The following ANKFN1 variants were observed in gnomAD, a reference collection of about 807,000 sequenced individuals.
ANKFN1 encodes ankyrin repeat and fibronectin type-III domain-containing protein 1.
ANKFN1 carries 74 observed loss-of-function variants against 108.7 expected under a neutral mutation model. The ratio of observed to expected loss-of-function variants is 0.68; its 90% CI spans 0.56 to 0.83. The LOEUF is 0.83. Among genes scored for constraint, ANKFN1 ranks in the 40% least tolerant of loss-of-function variants. The pLI, the probability that ANKFN1 is intolerant of heterozygous loss-of-function variation, is 0.00. For missense variants in ANKFN1, 1,505 were observed against 1,382.3 expected, an observed-to-expected ratio of 1.09 and a Z score of -1.41; for synonymous variants, 547 against 516.2, an observed-to-expected ratio of 1.06 and a Z score of -0.81.
intron 2 of ANKFN1, among the ~76,000 whole-genome samples, chr17:56,224,486 A>T (rs1429273844): frequency 1.3e-5 from 2 of 152,230 alleles, no homozygotes; most frequent in Admixed American, 1.3e-4. Flanking sequence ...TTTACTCCAT[A>T]GGTTACATTA....
At chr17:56,386,462 A>G (rs1348457493) in intron 8 of ANKFN1, among the ~76,000 whole-genome samples, 1 of 151,994 alleles carries the variant, frequency 6.6e-6, no homozygotes, top group Non-Finnish European at 1.5e-5. Context: ...CCTAAAACTT[A>G]AAGTATAATA....
chr17:56,461,811 A>AT (rs2049912519), intron 14 of ANKFN1, among the ~76,000 whole-genome samples: 1 of 152,240 alleles, frequency 6.6e-6, no homozygotes, highest in African/African-American at 2.4e-5. Flanking sequence ...GGATAAATAA[A>AT]TATATCTGTC....
At chr17:56,085,018 T>C (rs1905290849) in intron 4 of ANKFN1, among the ~76,000 whole-genome samples, 1 of 150,894 alleles carries the variant, frequency 6.6e-6, no homozygotes, top group Non-Finnish European at 1.5e-5. Flanking sequence ...GTAGATCACG[T>C]CTCCTGGTTT....
At chr17:56,315,512 C>G (rs1253897916) in intron 3 of ANKFN1, among the ~76,000 whole-genome samples, 1 of 152,188 alleles carries the variant, frequency 6.6e-6, no homozygotes, top group Non-Finnish European at 1.5e-5. Context: ...TTTTAATCCT[C>G]TCTGAGCAAA....
chr17:56,112,044 C>T (rs1390818480), intron 4 of ANKFN1, among the ~76,000 whole-genome samples: 2 of 152,142 alleles, frequency 1.3e-5, no homozygotes, highest in African/African-American at 4.8e-5. Context: ...TTATCTTCAC[C>T]TTATAGATTA....
chr17:56,102,094 G>A (rs1255608217), intron 4 of ANKFN1, among the ~76,000 whole-genome samples: 2 of 152,168 alleles, frequency 1.3e-5, no homozygotes, highest in East Asian at 1.9e-4. Flanking sequence ...CTTGGGAAAT[G>A]TTTCAAACTC....
At chr17:56,379,924 C>A (rs1567957790) in intron 8 of ANKFN1, among the ~76,000 whole-genome samples, 1 of 152,204 alleles carries the variant, frequency 6.6e-6, no homozygotes, top group East Asian at 1.9e-4. Flanking sequence ...ATTTTAACAT[C>A]TGGTAAGGCA....
upstream of ANKFN1, among the ~76,000 whole-genome samples, chr17:56,148,901 C>G (rs1281788112): frequency 1.3e-5 from 2 of 152,046 alleles, no homozygotes; most frequent in Admixed American, 6.6e-5. Context: ...AATGAGGTAG[C>G]CACACATTTG....
chr17:56,108,492 G>A (rs1905794782), intron 4 of ANKFN1, among the ~76,000 whole-genome samples: 1 of 152,146 alleles, frequency 6.6e-6, no homozygotes. Context: ...GATAACCATT[G>A]CAAACATTGG....
intron 4 of ANKFN1, among the ~76,000 whole-genome samples, chr17:56,339,488 A>G (rs1237088693): frequency 1.3e-5 from 2 of 151,880 alleles, no homozygotes; most frequent in Non-Finnish European, 2.9e-5. Context: ...AGGCCCCAGT[A>G]TCTCTTGTTC....
intron 3 of ANKFN1, among the ~76,000 whole-genome samples, chr17:56,322,807 G>A (rs767650134): frequency 7.2e-5 from 11 of 152,008 alleles, no homozygotes; most frequent in Non-Finnish European, 1.5e-4. Context: ...CTTTTTTATG[G>A]CATTTACTTA....
chr17:56,380,024 G>A (rs778376032), intron 8 of ANKFN1, among the ~76,000 whole-genome samples: 60 of 152,332 alleles, frequency 3.9e-4, no homozygotes, highest in Non-Finnish European at 7.2e-4. Context: ...GGCCTGTCAA[G>A]TTCACTTTTA....
intron 1 of ANKFN1, among the ~76,000 whole-genome samples, chr17:56,161,849 A>C (rs1459663763): frequency 6.6e-6 from 1 of 152,220 alleles, no homozygotes; most frequent in Non-Finnish European, 1.5e-5. Context: ...TTAAAAGAAA[A>C]TAATTTGTAG....
intron 4 of ANKFN1, among the ~76,000 whole-genome samples, chr17:56,134,792 T>C (rs934767969): frequency 2.6e-5 from 4 of 152,218 alleles, no homozygotes; most frequent in African/African-American, 9.6e-5. Context: ...TGTACCCTAG[T>C]ATAAAATACC....
chr17:56,150,087 T>G (rs2143434709), upstream of ANKFN1, among the ~76,000 whole-genome samples: 1 of 152,356 alleles, frequency 6.6e-6, no homozygotes, highest in South Asian at 2.1e-4. Flanking sequence ...CGTAAGTTTT[T>G]TGGCCTGAAT....
chr17:56,074,609 C>A (rs1275877315), intron 4 of ANKFN1, among the ~76,000 whole-genome samples: 1 of 152,196 alleles, frequency 6.6e-6, no homozygotes, highest in African/African-American at 2.4e-5. Flanking sequence ...GAAATTCCAA[C>A]TGTTGCATGA....
At chr17:56,231,305 T>C (rs760421774) in intron 3 of ANKFN1, among the ~76,000 whole-genome samples, 3 of 152,184 alleles carry the variant, frequency 2.0e-5, no homozygotes, top group Non-Finnish European at 4.4e-5. Flanking sequence ...TCAAGATCTA[T>C]GCATCAGAAC....
chr17:56,358,077 A>G (rs1449908611), intron 6 of ANKFN1, among the ~76,000 whole-genome samples: 4 of 152,150 alleles, frequency 2.6e-5, no homozygotes, highest in South Asian at 2.1e-4. Flanking sequence ...TAGATGCTCA[A>G]TTCCTCCCTA....
chr17:56,127,078 G>C (rs180784788), intron 4 of ANKFN1, among the ~76,000 whole-genome samples: 1 of 152,208 alleles, frequency 6.6e-6, no homozygotes, highest in Non-Finnish European at 1.5e-5. Context: ...TAGCACAAGA[G>C]TGTAATCATG....
Sources: gnomAD v4.1 joint callset for allele counts (sites outside exome capture counted in the v4.1 genomes callset) on GRCh38, gnomAD v4.1.1 for gene constraint, MANE v1.5 for transcripts, NCBI Gene and HGNC (gene_info 2026-07-23, HGNC 2026-07-21) for gene names.